Variants in ZMPSTE24 observed in about 807,000 individuals in gnomAD.
ZMPSTE24 encodes CAAX prenyl protease 1 homolog.
A neutral mutation model predicts 56.7 loss-of-function variants in ZMPSTE24; 48 were observed. The observed-to-expected ratio is 0.85, with a 90% CI of 0.67 to 1.08. The LOEUF (loss-of-function observed/expected upper bound fraction) is 1.08. Ranked by LOEUF, ZMPSTE24 falls within the 50% of genes least tolerant of loss-of-function variation. ZMPSTE24 has a pLI of 0.00. For missense variants in ZMPSTE24, 503 were observed against 548.7 expected (o/e 0.92, Z 0.83); for synonymous variants, 172 against 195.2 (o/e 0.88, Z 0.99).
intron 1 of ZMPSTE24, among the ~76,000 whole-genome samples, chr1:40,258,929 G>A (rs1400608543): frequency 1.3e-5 from 2 of 152,082 alleles, no homozygotes; most frequent in East Asian, 3.9e-4. Flanking sequence ...AGGCCGAGGC[G>A]GGCGGATCAC....
Position 40,285,930 on chromosome 1 carries a change from G to A in ZMPSTE24, c.960G>A (p.Lys320=), listed in dbSNP as rs1262106994. The A allele has an allele frequency of 6.2e-6, 10 of 1,612,712 alleles. No homozygotes were observed. In the East Asian group the frequency reaches 2.0e-4, roughly 32 times the overall value. Residue 320 remains lysine, a synonymous_variant, in exon 8 of 10, where the codon AAG becomes AAA. Transcript: ENST00000372759. ...SEEIKAKVKN[K]KQGCKNEEVL... is the part of the protein sequence containing the mutation. ...TTTGATTTTTTTTTATTCAGAATAAGAAACAAGGATGTAAAAATGAGGAGG... is the reference window on the plus strand; with the variant it reads ...TTTGATTTTTTTTTATTCAGAATAAAAAACAAGGATGTAAAAATGAGGAGG...
chr1:40,279,673 G>C (rs1290477444), intron 6 of ZMPSTE24, among the ~76,000 whole-genome samples: 2 of 152,198 alleles, frequency 1.3e-5, no homozygotes, highest in East Asian at 3.8e-4. Flanking sequence ...ACTTTTGAAG[G>C]ATTGATTTTG....
intron 6 of ZMPSTE24, among the ~76,000 whole-genome samples, chr1:40,275,957 C>G (rs886087013): frequency 2.0e-5 from 3 of 152,182 alleles, no homozygotes; most frequent in African/African-American, 4.8e-5. Context: ...TAATTCCTCA[C>G]TGCTTTGCTT....
At chr1:40,272,125 A>C (rs1643619794) in intron 6 of ZMPSTE24, 90 bp downstream of exon 6, 1 of 1,386,004 alleles carries the variant, frequency 7.2e-7, no homozygotes, top group Admixed American at 2.5e-5. Context: ...AGAATTAATC[A>C]GTTTTTGTTT....
intron 6 of ZMPSTE24, among the ~76,000 whole-genome samples, chr1:40,280,787 G>A (rs778159954): frequency 1.2e-4 from 18 of 152,170 alleles, no homozygotes; most frequent in Non-Finnish European, 2.1e-4. Flanking sequence ...TAAACAGCAA[G>A]TAATGTCATT....
intron 2 of ZMPSTE24, among the ~76,000 whole-genome samples, chr1:40,262,291 G>A (rs1428065940): frequency 1.3e-5 from 2 of 152,274 alleles, no homozygotes; most frequent in East Asian, 1.9e-4. Flanking sequence ...ATGGAAAATG[G>A]CAATGCTTCT....
chr1:40,274,490 T>A (rs964252397), intron 6 of ZMPSTE24, among the ~76,000 whole-genome samples: 1 of 152,188 alleles, frequency 6.6e-6, no homozygotes, highest in African/African-American at 2.4e-5. Context: ...AGCTGAGACC[T>A]AAAGGGAGGA....
rs1350321374 is a variant in ZMPSTE24 at position 40,294,093 on chromosome 1, G to A, written c.*1424G>A. 1 of 152,634 alleles carries A rather than the reference G, an allele frequency of 6.6e-6. No individual in the cohort carries two copies. The highest frequency in any genetic ancestry group is 2.4e-5 in the African/African-American group (1 of 41,446). The allele number at this position is 152,634 out of a possible 1,614,324, so 9.5% of individuals were successfully genotyped here. A position where few individuals can be genotyped will look rare whatever the true frequency, so the allele number is the denominator to read the frequency against. On this transcript the variant is annotated 3_prime_UTR_variant, in exon 10 of 10. Transcript: ENST00000372759. The stretch of plus-strand genomic sequence containing the variant: ...TCCTTTATCTGTGACTTCATGCTCT[G>A]ATAACTGCCTTTCCTTCCTTCTGTG...
intron 7 of ZMPSTE24, among the ~76,000 whole-genome samples, chr1:40,284,700 C>T (rs1399150217): frequency 1.3e-5 from 2 of 152,218 alleles, no homozygotes; most frequent in African/African-American, 4.8e-5. Context: ...TGCCGTGAGC[C>T]GAGATCGTGC....
At chr1:40,281,654 G>A (rs1038201770) in intron 7 of ZMPSTE24, 127 bp downstream of exon 7, 1 of 987,862 alleles carries the variant, frequency 1.0e-6, no homozygotes, top group East Asian at 2.6e-5. Context: ...GAAAACCATG[G>A]CTCCTTTATA....
chr1:40,292,765 A>T lies in ZMPSTE24; in HGVS notation c.*96A>T. The T allele has an allele frequency of 7.2e-6, 8 of 1,114,858 alleles. No individual in the cohort carries two copies. The highest frequency in any genetic ancestry group is 1.1e-5 in the Non-Finnish European group (8 of 753,254). 69.1% of individuals were successfully genotyped at this position (1,114,858 alleles called of 1,614,324 possible). A position where few individuals can be genotyped will look rare whatever the true frequency, so the allele number is the denominator to read the frequency against. On this transcript the variant is annotated 3_prime_UTR_variant, in exon 10 of 10. Transcript: ENST00000372759. ...GTTTTTAAACTTTTTTTTAGAAGAA[A>T]AATTAAGTACAGAAAAGCCCAGATT...
chr1:40,259,226 A>T (rs1643470725), intron 1 of ZMPSTE24: 1 of 152,238 alleles, frequency 6.6e-6, no homozygotes, highest in South Asian at 2.1e-4. Context: ...ACATTATTTT[A>T]GTTTAAATAT....
chr1:40,281,410 G>C lies in ZMPSTE24; in HGVS notation c.837G>C (p.Leu279Phe). ...YGFFKNKRIV[L>F]FDTLLEEYSV... is the part of the protein sequence containing the mutation. ...TCTTCAAGAACAAGCGAATAGTTTT[G>C]TTTGACACTCTACTAGAAGAGTACT... The change falls in exon 7 of 10, where the codon TTG becomes TTC. Residue 279 changes from leucine to phenylalanine, a missense_variant. Leu to Phe is a conservative substitution (Grantham distance 22, BLOSUM62 0). Coordinates refer to ENST00000372759, the MANE Select transcript of ZMPSTE24 (RefSeq NM_005857.5). 2 of 1,614,064 alleles carry C rather than the reference G, an allele frequency of 1.2e-6. No individual in the cohort carries two copies. The highest frequency in any genetic ancestry group is 2.2e-5 in the South Asian group (2 of 91,082).
At chr1:40,258,991 C>T (rs937234570) in intron 1 of ZMPSTE24, among the ~76,000 whole-genome samples, 5 of 152,056 alleles carry the variant, frequency 3.3e-5, no homozygotes, top group African/African-American at 1.2e-4. Flanking sequence ...AAACCCGTCT[C>T]TACTAAAAAT....
chr1:40,261,926 G>T (rs1181518872), intron 2 of ZMPSTE24, among the ~76,000 whole-genome samples: 1 of 152,110 alleles, frequency 6.6e-6, no homozygotes, highest in Non-Finnish European at 1.5e-5. Flanking sequence ...AGCCAGGATG[G>T]TCTCGATCTC....
In ZMPSTE24 at chr1:40,267,853, G is replaced by A; in HGVS notation, c.338G>A (p.Gly113Asp). 6.2e-7 allele frequency: 1 copy of A among 1,613,330 alleles called. No individual in the cohort carries two copies. Among genetic ancestry groups the A allele is most frequent in the South Asian group, 1.1e-5 (1 of 91,056 alleles). The part of the protein sequence containing the change: ...RLSGRFCGYA[G>D]FGPEYEITQS... The stretch of plus-strand genomic sequence containing the variant: ...TCTGGACGGTTCTGTGGTTATGCTG[G>A]CTTTGGACCAGAATATGAGGTATGT... The change falls in exon 3 of 10, where the codon GGC becomes GAC. Residue 113 changes from glycine to aspartate, a missense_variant. Transcript: ENST00000372759.
At chr1:40,288,295 G>A (rs1483491211) in intron 8 of ZMPSTE24, among the ~76,000 whole-genome samples, 3 of 152,230 alleles carry the variant, frequency 2.0e-5, no homozygotes, top group Admixed American at 6.5e-5. Flanking sequence ...TTGGCCTGAA[G>A]CTATGTTGTG....
At chr1:40,280,130 A>C (rs1193182596) in intron 6 of ZMPSTE24, among the ~76,000 whole-genome samples, 11 of 152,080 alleles carry the variant, frequency 7.2e-5, no homozygotes. Flanking sequence ...TTTGCTTCAA[A>C]TGCCAAACGA....
At chr1:40,276,695 G>A (rs891996287) in intron 6 of ZMPSTE24, among the ~76,000 whole-genome samples, 3 of 152,114 alleles carry the variant, frequency 2.0e-5, no homozygotes, top group African/African-American at 7.2e-5. Context: ...TGAGAAATGC[G>A]CCATTAGGCT....
Sources: allele counts gnomAD v4.1 joint callset (sites outside exome capture counted in the v4.1 genomes callset), GRCh38; gene constraint gnomAD v4.1.1; transcripts MANE v1.5; gene names NCBI Gene and HGNC (gene_info 2026-07-23, HGNC 2026-07-21).